The following NRXN3 variants were observed in gnomAD, a reference collection of about 807,000 sequenced individuals.
NRXN3 encodes neurexin III.
Under a neutral mutation model 137.6 loss-of-function variants are expected in NRXN3, and 32 were observed. The ratio of observed to expected loss-of-function variants is 0.23; its 90% CI spans 0.18 to 0.31. The LOEUF is 0.31. NRXN3 is among the 10% of genes least tolerant of loss of function. The pLI is 1.00. For missense variants in NRXN3, 1,574 were observed against 2,062.5 expected, an observed-to-expected ratio of 0.76 and a Z score of 4.59; for synonymous variants, 798 against 784.5, an observed-to-expected ratio of 1.02 and a Z score of -0.29.
At chr14:79,342,830 CAG>C (rs2092680308) in intron 15 of NRXN3, among the ~76,000 whole-genome samples, 1 of 152,132 alleles carries the variant, frequency 6.6e-6, no homozygotes, top group Admixed American at 6.5e-5. Context: ...TTTATCAAGA[CAG>C]GGGAATTGCA....
intron 2 of NRXN3, among the ~76,000 whole-genome samples, chr14:78,258,895 G>A (rs1365397945): frequency 6.6e-6 from 1 of 152,160 alleles, no homozygotes; most frequent in Non-Finnish European, 1.5e-5. Context: ...CACTTTGGGA[G>A]GCTGAGGTGG....
In NRXN3 at chr14:79,865,014, G is replaced by A. The variant is rs2141997108; in HGVS notation, c.*3050G>A. On this transcript the variant is annotated 3_prime_UTR_variant, in exon 21 of 21. Transcript: ENST00000335750. Reference sequence around the variant, plus strand: ...AATCCACCCGCCTCGGCCTCCCAAAGTGCTGGGATTACAGGCGTGAGCCAC... The same window carrying A: ...AATCCACCCGCCTCGGCCTCCCAAAATGCTGGGATTACAGGCGTGAGCCAC... 1 of 152,214 alleles carries A rather than the reference G, an allele frequency of 6.6e-6. No individual in the cohort carries two copies. The highest frequency in any genetic ancestry group is 2.4e-5 in the African/African-American group (1 of 41,526). 9.4% of individuals were successfully genotyped at this position (152,214 alleles called of 1,614,324 possible). A position where few individuals can be genotyped will look rare whatever the true frequency, so the allele number is the denominator to read the frequency against.
Position 79,467,565 on chromosome 14 carries a change from GA to G in NRXN3, c.3444+170del, listed in dbSNP as rs547025871. ...CATCATATTTACAGGGTTCCTGGGG[GA>G]AAAAAACTTAAAAACTCTTCCTTCT... is the stretch of plus-strand genomic sequence containing the variant. On this transcript the variant is annotated intron_variant, in intron 16 of 20. Coordinates refer to ENST00000335750, the MANE Select transcript of NRXN3 (RefSeq NM_001330195.2). Among the ~76,000 whole-genome samples the G allele has an allele frequency of 7.7e-3, 1,168 of 152,190 alleles. 7 individuals carry two copies. Among genetic ancestry groups the G allele is most frequent in the Middle Eastern group, 0.024 (7 of 294 alleles).
rs1267875900 is a variant in NRXN3 at position 79,446,554 on chromosome 14, A to C, written c.3263-20667A>C. Among the ~76,000 whole-genome samples the C allele has an allele frequency of 3.3e-5, 5 of 152,262 alleles. No homozygotes were observed. In the South Asian group the frequency reaches 8.3e-4, roughly 25 times the overall value. ...GTAAAGAAGTATTAATTTAGACATC[A>C]TTTAGCCAGAATATAGCAGAAGAAT... On this transcript the variant is annotated intron_variant, in intron 15 of 20. Coordinates refer to ENST00000335750, the MANE Select transcript of NRXN3 (RefSeq NM_001330195.2).
At chr14:78,802,603 G>A (rs186070601) in intron 8 of NRXN3, among the ~76,000 whole-genome samples, 4 of 152,226 alleles carry the variant, frequency 2.6e-5, no homozygotes, top group Admixed American at 2.0e-4. Flanking sequence ...AGTGTTAATC[G>A]AGGTAACAAA....
intron 19 of NRXN3, among the ~76,000 whole-genome samples, chr14:79,731,355 C>T (rs1162909160): frequency 6.6e-6 from 1 of 152,168 alleles, no homozygotes; most frequent in African/African-American, 2.4e-5. Flanking sequence ...CAGACATTCC[C>T]TCAGATATTT....
intron 16 of NRXN3, among the ~76,000 whole-genome samples, chr14:79,549,916 C>G (rs1464421431): frequency 2.0e-5 from 3 of 151,958 alleles, no homozygotes; most frequent in Non-Finnish European, 4.4e-5. Flanking sequence ...CTTAGTTGCT[C>G]TGTGACATCC....
intron 4 of NRXN3, among the ~76,000 whole-genome samples, chr14:78,368,525 C>T (rs1460390977): frequency 6.6e-6 from 1 of 152,122 alleles, no homozygotes; most frequent in African/African-American, 2.4e-5. Flanking sequence ...AACCCCGTCT[C>T]TACTAAAAAT....
chr14:79,132,958 T>C (rs1326969013), intron 15 of NRXN3, among the ~76,000 whole-genome samples: 5 of 152,160 alleles, frequency 3.3e-5, no homozygotes, highest in African/African-American at 1.2e-4. Flanking sequence ...CAACAGGTCA[T>C]TGAATGCGGG....
At chr14:79,756,069 C>T (rs964608371) in intron 19 of NRXN3, among the ~76,000 whole-genome samples, 2 of 152,020 alleles carry the variant, frequency 1.3e-5, no homozygotes, top group African/African-American at 4.8e-5. Flanking sequence ...ACTTTAATAG[C>T]CCCTGGAAAA....
intron 15 of NRXN3, among the ~76,000 whole-genome samples, chr14:79,198,463 A>G (rs1597164614): frequency 6.6e-6 from 1 of 152,156 alleles, no homozygotes; most frequent in East Asian, 1.9e-4. Context: ...ATTTTTTAGT[A>G]TTTGGATTTG....
At chr14:78,858,954 C>T (rs539252322) in intron 10 of NRXN3, among the ~76,000 whole-genome samples, 1 of 152,120 alleles carries the variant, frequency 6.6e-6, no homozygotes. Context: ...TCCAGAGAAT[C>T]TGATATGGTT....
intron 15 of NRXN3, among the ~76,000 whole-genome samples, chr14:79,188,822 C>T (rs1405222090): frequency 6.6e-6 from 1 of 152,120 alleles, no homozygotes; most frequent in Admixed American, 6.5e-5. Context: ...AAATGCAAAT[C>T]AAAACCACAA....
chr14:79,344,554 T>G (rs955570753), intron 15 of NRXN3, among the ~76,000 whole-genome samples: 3 of 152,224 alleles, frequency 2.0e-5, no homozygotes, highest in Non-Finnish European at 4.4e-5. Flanking sequence ...TCTTTTACAT[T>G]TATTCATTAC....
chr14:78,532,995 CCTCT>C (rs1269963642), intron 4 of NRXN3, among the ~76,000 whole-genome samples: 1 of 152,002 alleles, frequency 6.6e-6, no homozygotes, highest in Non-Finnish European at 1.5e-5. Context: ...AATTTCCTGT[CCTCT>C]CTATTTCTGC....
At chr14:78,703,095 T>A (rs908212052) in intron 6 of NRXN3, among the ~76,000 whole-genome samples, 12 of 152,204 alleles carry the variant, frequency 7.9e-5, no homozygotes, top group African/African-American at 2.9e-4. Context: ...TAACATCTAA[T>A]TTAATAAAGA....
At chr14:79,443,617 T>C (rs2096005444) in intron 15 of NRXN3, among the ~76,000 whole-genome samples, 1 of 152,166 alleles carries the variant, frequency 6.6e-6, no homozygotes, top group Admixed American at 6.6e-5. Context: ...GGTAAACCAA[T>C]AGGCTCACTT....
chr14:78,276,044 T>A (rs1484523757), intron 2 of NRXN3, among the ~76,000 whole-genome samples: 1 of 152,204 alleles, frequency 6.6e-6, no homozygotes, highest in Non-Finnish European at 1.5e-5. Context: ...AAAGTTGGAA[T>A]AATGCTCAGA....
At chr14:79,101,959 C>T (rs1014939533) in intron 15 of NRXN3, among the ~76,000 whole-genome samples, 1 of 152,048 alleles carries the variant, frequency 6.6e-6, no homozygotes, top group East Asian at 1.9e-4. Flanking sequence ...CACGTGAAGG[C>T]AGAGACAGAG....
Sources: allele counts gnomAD v4.1 joint callset (sites outside exome capture counted in the v4.1 genomes callset), GRCh38; gene constraint gnomAD v4.1.1; transcripts MANE v1.5; gene names NCBI Gene and HGNC (gene_info 2026-07-23, HGNC 2026-07-21).